Variants in PEBP4 observed in about 807,000 individuals in gnomAD.
PEBP4 encodes phosphatidylethanolamine binding protein 4.
PEBP4 carries 22 observed loss-of-function variants against 23.9 expected under a neutral mutation model. That is an observed-to-expected ratio of 0.92 (90% CI 0.66 to 1.31). The LOEUF (loss-of-function observed/expected upper bound fraction) is 1.31. Ranked by LOEUF, PEBP4 falls within the 40% of genes most tolerant of loss-of-function variation. PEBP4 has a pLI of 0.00. For synonymous variants in PEBP4, 112 were observed against 99.3 expected, an observed-to-expected ratio of 1.13 and a Z score of -0.76; for missense variants, 324 against 281.7, an observed-to-expected ratio of 1.15 and a Z score of -1.07.
At chr8:22,889,854 C>T (rs937460891) in intron 3 of PEBP4, among the ~76,000 whole-genome samples, 2 of 152,204 alleles carry the variant, frequency 1.3e-5, no homozygotes, top group African/African-American at 2.4e-5. Context: ...TGCAGGGACG[C>T]CCTGCTCGGT....
Position 22,832,441 on chromosome 8 carries a change from T to C in PEBP4, c.259-14706A>G, listed in dbSNP as rs1302473085. Among the ~76,000 whole-genome samples the C allele has an allele frequency of 2.6e-5, 4 of 152,306 alleles. No individual in the cohort carries two copies. The East Asian group carries it at 7.7e-4, about 29-fold the overall frequency. The stretch of plus-strand genomic sequence containing the variant: ...GTCAGACACTGAATCTGCTGGCACA[T>C]TGGTCTTGGACTTCCCAGCCCCTAG... On this transcript the variant is annotated intron_variant, in intron 3 of 6. Coordinates refer to ENST00000256404, the MANE Select transcript of PEBP4 (RefSeq NM_144962.3).
chr8:22,796,257 C>CATGTGT (rs201069763), intron 4 of PEBP4, among the ~76,000 whole-genome samples: 135 of 149,870 alleles, frequency 9.0e-4, no homozygotes, highest in East Asian at 4.9e-3. Flanking sequence ...CTCAAGTGTG[C>CATGTGT]GTGTGTGTGT....
At chr8:22,749,758 G>A (rs562153894) in intron 4 of PEBP4, among the ~76,000 whole-genome samples, 57 of 145,184 alleles carry the variant, frequency 3.9e-4, no homozygotes, top group Non-Finnish European at 5.3e-4. Flanking sequence ...GTCACGGGCA[G>A]CAGTGTGGAT....
intron 6 of PEBP4, among the ~76,000 whole-genome samples, chr8:22,720,496 G>A (rs1213866450): frequency 6.6e-6 from 1 of 152,234 alleles, no homozygotes; most frequent in African/African-American, 2.4e-5. Flanking sequence ...AAGGGCAATG[G>A]TACAAGGTGC....
chr8:22,810,058 G>A (rs1415155904), intron 4 of PEBP4, among the ~76,000 whole-genome samples: 2 of 152,224 alleles, frequency 1.3e-5, no homozygotes, highest in African/African-American at 4.8e-5. Context: ...ACCAAAATGT[G>A]CTTCCCTGGA....
chr8:22,838,697 T>C (rs4872031), intron 3 of PEBP4, among the ~76,000 whole-genome samples: 105,637 of 152,276 alleles, frequency 0.69, 36,919 homozygotes, highest in South Asian at 0.86. Flanking sequence ...GGGGCGATGC[T>C]GCCAGGCCTG....
intron 3 of PEBP4, among the ~76,000 whole-genome samples, chr8:22,871,579 C>G: frequency 7.2e-6 from 1 of 137,932 alleles, no homozygotes; most frequent in East Asian, 2.1e-4. Flanking sequence ...TTTTTAAGAC[C>G]GAGTCTCACT....
intron 3 of PEBP4, among the ~76,000 whole-genome samples, chr8:22,847,289 C>T (rs576540865): frequency 6.6e-5 from 10 of 152,174 alleles, no homozygotes; most frequent in African/African-American, 1.4e-4. Flanking sequence ...TGGCATACAA[C>T]GCTTTAAGGT....
intron 3 of PEBP4, among the ~76,000 whole-genome samples, chr8:22,851,208 C>A (rs1430156923): frequency 6.6e-6 from 1 of 152,194 alleles, no homozygotes; most frequent in African/African-American, 2.4e-5. Flanking sequence ...TTCTAACATG[C>A]AGGACTCCAC....
chr8:22,872,084 A>C (rs1808017918), intron 3 of PEBP4, among the ~76,000 whole-genome samples: 1 of 152,114 alleles, frequency 6.6e-6, no homozygotes, highest in South Asian at 2.1e-4. Flanking sequence ...AGCTCCATCC[A>C]AGTTGCTGTG....
chr8:22,922,829 T>G (rs2128781147), intron 2 of PEBP4, among the ~76,000 whole-genome samples: 1 of 152,230 alleles, frequency 6.6e-6, no homozygotes, highest in South Asian at 2.1e-4. Flanking sequence ...AATTTCCATG[T>G]GGAGAGTTTG....
intron 4 of PEBP4, among the ~76,000 whole-genome samples, chr8:22,759,316 T>C (rs544953163): frequency 1.3e-5 from 2 of 150,666 alleles, no homozygotes; most frequent in Non-Finnish European, 2.9e-5. Context: ...TCTTGAGTCC[T>C]GGCTTCTTGT....
intron 4 of PEBP4, among the ~76,000 whole-genome samples, chr8:22,796,338 G>A (rs937337460): frequency 2.6e-5 from 4 of 151,998 alleles, no homozygotes; most frequent in Admixed American, 6.6e-5. Context: ...TGAGTTCCTT[G>A]AGGTCAGGAA....
intron 3 of PEBP4, among the ~76,000 whole-genome samples, chr8:22,880,165 G>C (rs1317719972): frequency 6.6e-6 from 1 of 152,148 alleles, no homozygotes; most frequent in African/African-American, 2.4e-5. Context: ...ATGATTGGGA[G>C]GGGTGACAAA....
chr8:22,802,128 C>T (rs1049718466), intron 4 of PEBP4, among the ~76,000 whole-genome samples: 3 of 152,188 alleles, frequency 2.0e-5, no homozygotes, highest in African/African-American at 7.2e-5. Context: ...ACTGTGGGTT[C>T]CTCCTCCTCG....
At chr8:22,798,968 C>A (rs564990782) in intron 4 of PEBP4, among the ~76,000 whole-genome samples, 2 of 151,946 alleles carry the variant, frequency 1.3e-5, no homozygotes, top group African/African-American at 4.8e-5. Flanking sequence ...GAACTCCTGA[C>A]CTCAAGTGAT....
intron 3 of PEBP4, among the ~76,000 whole-genome samples, chr8:22,915,789 G>A (rs11780160): frequency 0.15 from 22,080 of 152,190 alleles, 1,909 homozygotes; most frequent in East Asian, 0.25. Context: ...TGGGTGTTGG[G>A]AGCCCCGTGT....
chr8:22,721,549 G>A (rs1016427270), intron 6 of PEBP4, among the ~76,000 whole-genome samples: 1 of 152,112 alleles, frequency 6.6e-6, no homozygotes, highest in African/African-American at 2.4e-5. Context: ...ATCCAGGGAG[G>A]GAAGAGGCCT....
At chr8:22,764,755 C>T (rs535858445) in intron 4 of PEBP4, among the ~76,000 whole-genome samples, 13 of 151,850 alleles carry the variant, frequency 8.6e-5, no homozygotes, top group African/African-American at 2.9e-4. Context: ...GAGTGGGGAT[C>T]GGTCATACAC....
Sources: allele counts gnomAD v4.1 joint callset (sites outside exome capture counted in the v4.1 genomes callset), GRCh38; gene constraint gnomAD v4.1.1; transcripts MANE v1.5; gene names NCBI Gene and HGNC (gene_info 2026-07-23, HGNC 2026-07-21).